The following PPP2R5E variants were observed in gnomAD, a reference collection of about 807,000 sequenced individuals.
PPP2R5E encodes the protein serine/threonine-protein phosphatase 2A 56 kDa regulatory subunit epsilon isoform.
In PPP2R5E, 4 loss-of-function variants were observed where a neutral mutation model predicts 65.3. The observed-to-expected ratio is 0.06, with a 90% confidence interval of 0.03 to 0.14. The LOEUF is 0.14. Ranked by LOEUF, PPP2R5E falls within the 10% of genes least tolerant of loss-of-function variation. PPP2R5E has a pLI of 1.00. For synonymous variants in PPP2R5E, 183 were observed against 187.4 expected (o/e 0.98, Z 0.19); for missense variants, 274 against 556.1 (o/e 0.49, Z 5.10).
intron 5 of PPP2R5E, 66 bp from the exon 6 acceptor site, chr14:63,396,782 T>G: frequency 1.3e-6 from 2 of 1,566,380 alleles, no homozygotes; most frequent in Non-Finnish European, 1.7e-6. Flanking sequence ...GGAATTCTAT[T>G]ATTTAAAATC....
At chr14:63,458,051 C>G (rs371844388) in intron 2 of PPP2R5E, among the ~76,000 whole-genome samples, 3 of 152,134 alleles carry the variant, frequency 2.0e-5, no homozygotes, top group Non-Finnish European at 4.4e-5. Context: ...AAAATGACTA[C>G]GCCTACCTCC....
intron 5 of PPP2R5E, among the ~76,000 whole-genome samples, chr14:63,401,682 T>G (rs1486448951): frequency 6.6e-6 from 1 of 152,084 alleles, no homozygotes; most frequent in Non-Finnish European, 1.5e-5. Context: ...AGTGAAAGAA[T>G]AAGAATAGAA....
intron 5 of PPP2R5E, among the ~76,000 whole-genome samples, chr14:63,399,059 T>C (rs1229524014): frequency 8.5e-5 from 13 of 152,122 alleles, no homozygotes; most frequent in Admixed American, 7.2e-4. Flanking sequence ...ACACAAAAAC[T>C]TGTACACAGA....
At position 63,542,803 on chromosome 14, in the gene PPP2R5E, A is replaced by G. The variant is rs1255720; in HGVS notation, c.-32T>C. ...CCTTGAAGCTTCTGGGGAAGAATCC[A>G]AAGATGATCTGTGGCTTGGAGGGGC... On this transcript the variant is annotated 5_prime_UTR_variant, in exon 1 of 14. Coordinates refer to ENST00000337537, the MANE Select transcript of PPP2R5E (RefSeq NM_006246.5). 0.31 allele frequency: 47,470 copies of G among 153,616 alleles called. 8,640 individuals are homozygous for G. Among genetic ancestry groups the G allele is most frequent in the African/African-American group, 0.52 (21,534 of 41,470 alleles). The allele number at this position is 153,616 out of a possible 1,614,324, so 9.5% of individuals were successfully genotyped here.
chr14:63,491,378 T>TAA (rs1040496930), intron 2 of PPP2R5E, among the ~76,000 whole-genome samples: 1 of 149,772 alleles, frequency 6.7e-6, no homozygotes, highest in African/African-American at 2.5e-5. Flanking sequence ...TCTATAATTT[T>TAA]AAAAAAAAAG....
intron 3 of PPP2R5E, among the ~76,000 whole-genome samples, chr14:63,433,540 T>C (rs1425927586): frequency 6.6e-6 from 1 of 152,066 alleles, no homozygotes; most frequent in Non-Finnish European, 1.5e-5. Flanking sequence ...CTGGCTAGAG[T>C]GCATAAGGTA....
At position 63,536,851 on chromosome 14, in the gene PPP2R5E, G is replaced by A. The variant is rs79015654; in HGVS notation, c.157+2678C>T. ...TCATAGAAACAAAAAACAGAATGGC[G>A]GTTGCCAAGGGCTGGTGGGGGAAAC... On this transcript the variant is annotated intron_variant, in intron 2 of 13. Coordinates refer to ENST00000337537, the MANE Select transcript of PPP2R5E (RefSeq NM_006246.5). Among the ~76,000 whole-genome samples the A allele has an allele frequency of 5.5e-3, 843 of 152,238 alleles. 9 individuals are homozygous for A. The highest frequency in any genetic ancestry group is 0.019 in the African/African-American group (809 of 41,542).
intron 2 of PPP2R5E, among the ~76,000 whole-genome samples, chr14:63,485,705 C>T (rs1017626370): frequency 1.2e-4 from 18 of 152,008 alleles, no homozygotes; most frequent in African/African-American, 3.6e-4. Context: ...TGAGACACCG[C>T]GCCCAGCCAG....
At chr14:63,489,701 C>T (rs976628714) in intron 2 of PPP2R5E, among the ~76,000 whole-genome samples, 2 of 152,064 alleles carry the variant, frequency 1.3e-5, no homozygotes, top group African/African-American at 4.8e-5. Flanking sequence ...AGCTGCTGCG[C>T]CCAGCCAATA....
At position 63,542,821 on chromosome 14, in the gene PPP2R5E, G is replaced by C. The variant is rs1271929581; in HGVS notation, c.-50C>G. The C allele has an allele frequency of 1.3e-5, 2 of 153,996 alleles. No homozygotes were observed. The highest frequency in any genetic ancestry group is 2.9e-5 in the Non-Finnish European group (2 of 68,550). 9.5% of individuals were successfully genotyped at this position (153,996 alleles called of 1,614,324 possible). A position where few individuals can be genotyped will look rare whatever the true frequency, so the allele number is the denominator to read the frequency against. Reference sequence around the variant, plus strand: ...AGAATCCAAAGATGATCTGTGGCTTGGAGGGGCGGGAGACGGGCGAGGTGG... The same window carrying C: ...AGAATCCAAAGATGATCTGTGGCTTCGAGGGGCGGGAGACGGGCGAGGTGG... On this transcript the variant is annotated 5_prime_UTR_variant, in exon 1 of 14. Transcript: ENST00000337537.
chr14:63,415,828 T>C (rs185693519), intron 4 of PPP2R5E, among the ~76,000 whole-genome samples: 25 of 152,320 alleles, frequency 1.6e-4, no homozygotes, highest in African/African-American at 3.4e-4. Flanking sequence ...TCTCCATCAT[T>C]CTGCGACAAC....
chr14:63,477,413 T>C (rs890953982), intron 2 of PPP2R5E, among the ~76,000 whole-genome samples: 1 of 152,116 alleles, frequency 6.6e-6, no homozygotes, highest in African/African-American at 2.4e-5. Context: ...CTATGTGGTT[T>C]ACAGAAATTA....
chr14:63,468,620 G>C (rs1293419243), intron 2 of PPP2R5E, among the ~76,000 whole-genome samples: 2 of 152,176 alleles, frequency 1.3e-5, no homozygotes, highest in Non-Finnish European at 2.9e-5. Context: ...CCAAAACAAG[G>C]ATACCACTTG....
intron 2 of PPP2R5E, among the ~76,000 whole-genome samples, chr14:63,537,390 C>T (rs1893709099): frequency 6.6e-6 from 1 of 152,146 alleles, no homozygotes; most frequent in South Asian, 2.1e-4. Flanking sequence ...ACAGTGTTTC[C>T]TACATTTTCT....
chr14:63,502,978 A>G lies in PPP2R5E; in HGVS notation c.157+36551T>C, dbSNP rs1012920603. ...AACCTCATCTCAGAAACAAAAATAC[A>G]AAGACAGAGGACTAGCACATTAATA... On this transcript the variant is annotated intron_variant, in intron 2 of 13. Coordinates refer to ENST00000337537, the MANE Select transcript of PPP2R5E (RefSeq NM_006246.5). Among the ~76,000 whole-genome samples, 3 of 152,190 alleles carry G rather than the reference A, an allele frequency of 2.0e-5. No individual in the cohort carries two copies. In the South Asian group the frequency reaches 6.2e-4, roughly 31 times the overall value.
At chr14:63,384,719 A>G in intron 11 of PPP2R5E, 148 bp from the exon 12 acceptor site, 3 of 574,412 alleles carry the variant, frequency 5.2e-6, no homozygotes, top group South Asian at 3.1e-5. Flanking sequence ...ACATTTTAAT[A>G]TATATATATT....
intron 2 of PPP2R5E, among the ~76,000 whole-genome samples, chr14:63,485,701 A>G (rs1247010208): frequency 6.6e-6 from 1 of 152,004 alleles, no homozygotes; most frequent in Non-Finnish European, 1.5e-5. Context: ...GGCATGAGAC[A>G]CCGCGCCCAG....
At chr14:63,505,522 A>T (rs1326278880) in intron 2 of PPP2R5E, among the ~76,000 whole-genome samples, 1 of 152,110 alleles carries the variant, frequency 6.6e-6, no homozygotes, top group South Asian at 2.1e-4. Flanking sequence ...CCTTCTCCAC[A>T]CTAAGAAGCC....
chr14:63,490,997 A>G (rs2139632970), intron 2 of PPP2R5E, among the ~76,000 whole-genome samples: 1 of 152,050 alleles, frequency 6.6e-6, no homozygotes, highest in South Asian at 2.1e-4. Flanking sequence ...TCAACAGTGG[A>G]CTGGATAAAA....
Sources: gnomAD v4.1 joint callset for allele counts (sites outside exome capture counted in the v4.1 genomes callset) on GRCh38, gnomAD v4.1.1 for gene constraint, MANE v1.5 for transcripts, NCBI Gene and HGNC (gene_info 2026-07-23, HGNC 2026-07-21) for gene names.